NEB: variants seen among roughly 807,000 people sequenced by gnomAD.
NEB encodes the protein nemaline myopathy type 2.
Under a neutral mutation model 952.2 loss-of-function variants are expected in NEB, and 512 were observed. That is an observed-to-expected ratio of 0.54 (90% CI 0.50 to 0.58). The LOEUF (loss-of-function observed/expected upper bound fraction) is 0.58. Ranked by LOEUF, NEB falls within the 20% of genes least tolerant of loss-of-function variation. The pLI is 0.00. For synonymous variants in NEB, 2,900 were observed against 3,149.8 expected (o/e 0.92, Z 2.66); for missense variants, 8,428 against 9,231.1 (o/e 0.91, Z 3.56).
At chr2:151,668,437 A>T (rs947834612) in intron 39 of NEB, among the ~76,000 whole-genome samples, 2 of 152,230 alleles carry the variant, frequency 1.3e-5, no homozygotes, top group African/African-American at 2.4e-5. Context: ...GATATGAAAC[A>T]GAGCCTAAAA....
chr2:151,577,998 C>G (rs79722563), intron 105 of NEB, among the ~76,000 whole-genome samples: 69 of 152,330 alleles, frequency 4.5e-4, no homozygotes, highest in East Asian at 2.9e-3. Context: ...TCGATCACTA[C>G]TTCCACAATT....
chr2:151,669,842 G>A (rs1390282047), intron 38 of NEB, among the ~76,000 whole-genome samples: 1 of 152,190 alleles, frequency 6.6e-6, no homozygotes, highest in Non-Finnish European at 1.5e-5. Flanking sequence ...ACCTCAGGCA[G>A]GGAGTCCAGA....
At chr2:151,625,879 C>G (rs575857499) in intron 70 of NEB, among the ~76,000 whole-genome samples, 6 of 152,108 alleles carry the variant, frequency 3.9e-5, no homozygotes, top group African/African-American at 1.4e-4. Context: ...CACACATATA[C>G]ACACCCACGT....
intron 60 of NEB, among the ~76,000 whole-genome samples, chr2:151,640,961 TA>T (rs1283298299): frequency 1.3e-5 from 2 of 152,258 alleles, no homozygotes; most frequent in East Asian, 3.9e-4. Context: ...TTTAGATGTA[TA>T]AATTTCAGGA....
At chr2:151,711,324 G>A (rs902010013) in intron 10 of NEB, among the ~76,000 whole-genome samples, 2 of 152,190 alleles carry the variant, frequency 1.3e-5, no homozygotes, top group Admixed American at 6.5e-5. Flanking sequence ...AGCCCAAGCT[G>A]AGTTAGAGCA....
intron 38 of NEB, 31 bp downstream of exon 38, chr2:151,670,992 G>A (rs753319208): frequency 3.5e-5 from 56 of 1,589,798 alleles, no homozygotes; most frequent in Non-Finnish European, 4.2e-5. Context: ...GGTTATTTAC[G>A]GGCAAATCAT....
Position 151,553,834 on chromosome 2 carries a change from G to T in NEB, c.19620C>A (p.Ile6540=). 6.2e-7 allele frequency: 1 copy of T among 1,611,096 alleles called. No individual in the cohort carries two copies. Among genetic ancestry groups the T allele is most frequent in the South Asian group, 1.1e-5 (1 of 90,520 alleles). The part of the protein sequence containing the change: ...NDHVRKVTDQ[I]SDIVYKDDLN... ...TCTTAAGTCACAGGCTTACATCGCT[G>T]ATCTGATCTGTGACTTTCCTGACGT... Residue 6540 remains isoleucine (I), a synonymous_variant, in exon 126 of 182, where the codon ATC becomes ATA. Transcript: ENST00000397345.
At chr2:151,688,787 G>A (rs1486814815) in intron 24 of NEB, among the ~76,000 whole-genome samples, 1 of 152,192 alleles carries the variant, frequency 6.6e-6, no homozygotes, top group Admixed American at 6.5e-5. Context: ...TTATGTGGAT[G>A]TGGTTTCTGT....
intron 160 of NEB, among the ~76,000 whole-genome samples, chr2:151,513,112 T>A (rs1449602418): frequency 2.0e-5 from 3 of 152,170 alleles, no homozygotes; most frequent in African/African-American, 7.2e-5. Flanking sequence ...AGGCATGGAT[T>A]GTTTACATAC....
intron 9 of NEB, among the ~76,000 whole-genome samples, chr2:151,719,907 A>G (rs894155113): frequency 1.3e-5 from 2 of 151,354 alleles, no homozygotes; most frequent in Non-Finnish European, 2.9e-5. Flanking sequence ...AAAAAAAAAT[A>G]CAAACTGAAG....
At position 151,614,313 on chromosome 2, in the gene NEB, A is replaced by G. The variant is rs116533173; in HGVS notation, c.11564T>C (p.Val3855Ala). 1 of 1,613,866 alleles carries G rather than the reference A, an allele frequency of 6.2e-7. No individual in the cohort carries two copies. The highest frequency in any genetic ancestry group is 8.5e-7 in the Non-Finnish European group (1 of 1,179,792). The change falls in exon 77 of 182, where the codon GTC becomes GCC. Residue 3855 changes from valine (V) to alanine (A), a missense_variant. By Grantham distance (64) the Val-to-Ala change is moderately conservative. Coordinates refer to ENST00000397345, the MANE Select transcript of NEB (RefSeq NM_001164508.2). ...EWTCLPDQND[V>A]IQARKAYDLQ... The stretch of plus-strand genomic sequence containing the variant: ...GTCATAGGCCTTCCGAGCCTGAATG[A>G]CGTCATTCTGATCAGGCAGGCAGGT...
intron 10 of NEB, among the ~76,000 whole-genome samples, chr2:151,713,253 A>C (rs2099750119): frequency 6.6e-6 from 1 of 152,216 alleles, no homozygotes; most frequent in Non-Finnish European, 1.5e-5. Flanking sequence ...ATACAAAGCC[A>C]GTTAATTACC....
chr2:151,605,666 C>G (rs2097675345), intron 84 of NEB, among the ~76,000 whole-genome samples: 2 of 114,168 alleles, frequency 1.8e-5, no homozygotes, highest in Non-Finnish European at 4.2e-5. Flanking sequence ...TTATTAGAGG[C>G]AAAAATGAAG....
chr2:151,526,165 A>C lies in NEB; in HGVS notation c.22043T>G (p.Val7348Gly). ...TGGGCGGCTGGGGGTTACCTCAGACACCAGGTTGCTGACAGTCTTCGCCAG... is the reference window on the plus strand; with the variant it reads ...TGGGCGGCTGGGGGTTACCTCAGACCCCAGGTTGCTGACAGTCTTCGCCAG... ...ILLAKTVSNL[V>G]SENKYKDHVK... The change falls in exon 149 of 182, where the codon GTG (valine) becomes GGG (glycine). Residue 7348 changes from valine (V) to glycine (G), a missense_variant. By Grantham distance (109) the Val-to-Gly change is moderately radical. Around this residue, in one of 11 missense-constraint regions of NEB, gnomAD observed 3,374 missense variants for 3,651.5 expected, o/e 0.92. Transcript: ENST00000397345. 6.2e-7 allele frequency: 1 copy of C among 1,613,882 alleles called. No homozygotes were observed. Among genetic ancestry groups the C allele is most frequent in the Non-Finnish European group, 8.5e-7 (1 of 1,179,784 alleles).
At chr2:151,505,048 TCATA>T (rs2067700035) in intron 165 of NEB, among the ~76,000 whole-genome samples, 2 of 152,168 alleles carry the variant, frequency 1.3e-5, no homozygotes, top group African/African-American at 4.8e-5. Flanking sequence ...ATATGATGTG[TCATA>T]CATACACACA....
chr2:151,555,091 G>T, intron 124 of NEB, 47 bp from the exon 125 acceptor site: 1 of 1,292,536 alleles, frequency 7.7e-7, no homozygotes, highest in Non-Finnish European at 1.1e-6. Flanking sequence ...GAGAGTAATG[G>T]ATTTATATTA....
At position 151,524,376 on chromosome 2, in the gene NEB, C is replaced by T. The variant is rs376101302; in HGVS notation, c.22414G>A (p.Gly7472Ser). The change falls in exon 153 of 182, where the codon GGC becomes AGC. Residue 7472 changes from glycine to serine, a missense_variant. By Grantham distance (56) the Gly-to-Ser change is moderately conservative. This residue lies in a region of NEB where 3,374 missense variants were observed against 3,651.5 expected (regional missense o/e 0.92). Coordinates refer to ENST00000397345, the MANE Select transcript of NEB (RefSeq NM_001164508.2). Reference protein sequence around the residue: ...RAKHRKEGSHGLSMLGRPDIE... With the variant: ...RAKHRKEGSHSLSMLGRPDIE... The stretch of plus-strand genomic sequence containing the variant: ...TCTGGGCGACCGAGCATGCTTAAGC[C>T]ATGGCTGCCTTCCTTGCGGTGCTTG... The T allele has an allele frequency of 3.8e-5, 62 of 1,613,872 alleles. No homozygotes were observed. The highest frequency in any genetic ancestry group is 1.0e-4 in the Admixed American group (6 of 60,000).
intron 28 of NEB, among the ~76,000 whole-genome samples, chr2:151,684,177 G>A (rs116018925): frequency 0.014 from 2,128 of 152,180 alleles, 28 homozygotes; most frequent in Non-Finnish European, 0.019. Context: ...CCACTGAACT[G>A]TACACTTGAA....
At position 151,531,068 on chromosome 2, in the gene NEB, G is replaced by A. The variant is rs2090446729; in HGVS notation, c.21556C>T (p.Pro7186Ser). The A allele has an allele frequency of 6.2e-7, 1 of 1,613,144 alleles. No individual in the cohort carries two copies. The highest frequency in any genetic ancestry group is 8.5e-7 in the Non-Finnish European group (1 of 1,179,412). Residue 7186 changes from proline (P) to serine (S), a missense_variant, in exon 145 of 182, where the codon CCC becomes TCC. Physicochemically the swap from Pro to Ser is moderately conservative, Grantham distance 74. Coordinates refer to ENST00000397345, the MANE Select transcript of NEB (RefSeq NM_001164508.2). ...LYKLEYNKAK[P>S]RGYTTIHDTP... ...TCGTGGATTGTGGTGTAGCCTCTGG[G>A]TTTGGCCTTGTTGTATTCCAATTTA... is the stretch of plus-strand genomic sequence containing the variant.
Sources: gnomAD v4.1 joint callset for allele counts (sites outside exome capture counted in the v4.1 genomes callset) on GRCh38, gnomAD v4.1.1 for gene constraint, gnomAD v4.1.1 regional missense constraint, MANE v1.5 for transcripts, NCBI Gene and HGNC (gene_info 2026-07-23, HGNC 2026-07-21) for gene names.